RTTN: variants seen among roughly 807,000 people sequenced by gnomAD.
RTTN encodes the protein rotatin.
Under a neutral mutation model 269.2 loss-of-function variants are expected in RTTN, and 182 were observed. The ratio of observed to expected loss-of-function variants is 0.68; its 90% CI spans 0.60 to 0.76. The LOEUF (loss-of-function observed/expected upper bound fraction) is 0.76, where lower values mean the gene tolerates loss of function less well. Among genes scored for constraint, RTTN ranks in the 30% least tolerant of loss-of-function variants. RTTN has a pLI of 0.00. For missense variants in RTTN, 2,545 were observed against 2,608.6 expected (o/e 0.98, Z 0.53); for synonymous variants, 1,006 against 963.5 (o/e 1.04, Z -0.82).
chr18:70,076,111 G>C lies in RTTN; in HGVS notation c.4375-570C>G, dbSNP rs561935561. 2.6e-5 allele frequency among the ~76,000 whole-genome samples: 4 copies of C among 152,014 alleles called. No individual in the cohort carries two copies. The East Asian group carries it at 7.7e-4, about 29-fold the overall frequency. ...TGAACTGCCACCAGGAGGCTGAAAA[G>C]AATCTGCTATTACACAATTTTTCTC... On this transcript the variant is annotated intron_variant, in intron 32 of 48. Transcript: ENST00000640769.
At chr18:70,169,926 GGATAATCATTAACTACCT>G (rs2061093921) in intron 11 of RTTN, among the ~76,000 whole-genome samples, 1 of 152,084 alleles carries the variant, frequency 6.6e-6, no homozygotes, top group Non-Finnish European at 1.5e-5. Context: ...CCTATTTCAA[GGATAATCATTAACTACCT>G]GAAAGTCTAA....
At chr18:70,025,429 GT>G (rs1198068703) in intron 43 of RTTN, among the ~76,000 whole-genome samples, 11 of 152,178 alleles carry the variant, frequency 7.2e-5, no homozygotes, top group African/African-American at 2.7e-4. Context: ...AAATATAGCT[GT>G]TTAAGTGCAG....
intron 32 of RTTN, among the ~76,000 whole-genome samples, chr18:70,082,177 T>C (rs866249160): frequency 2.0e-5 from 3 of 152,160 alleles, no homozygotes; most frequent in South Asian, 4.1e-4. Context: ...TGACAACCCA[T>C]TATGTTATTT....
In RTTN at chr18:70,017,424, G is replaced by A. The variant is rs777560103; in HGVS notation, c.6404C>T (p.Pro2135Leu). The change falls in exon 46 of 49, where the codon CCC becomes CTC. Residue 2135 changes from proline (P) to leucine (L), a missense_variant. Pro to Leu is a moderately conservative substitution (Grantham distance 98). Coordinates refer to ENST00000640769, the MANE Select transcript of RTTN (RefSeq NM_173630.4). ...AAACTTACCATTAGCCAGGATCTTG[G>A]GTTTATTTGCAGGACTGAAGCAAAC... ...HNVCFSPANK[P>L]KILANEKVIT... The A allele has an allele frequency of 4.3e-6, 7 of 1,613,726 alleles. No homozygotes were observed. Among genetic ancestry groups the A allele is most frequent in the Admixed American group, 1.7e-5 (1 of 59,984 alleles).
chr18:70,051,751 C>A lies in RTTN; in HGVS notation c.5186-203G>T, dbSNP rs2057677469. Among the ~76,000 whole-genome samples the A allele has an allele frequency of 2.0e-5, 3 of 152,224 alleles. No individual in the cohort carries two copies. The East Asian group carries it at 5.8e-4, about 29-fold the overall frequency. On this transcript the variant is annotated intron_variant, in intron 38 of 48. Transcript: ENST00000640769. ...ATTGCTTCTTAAGATATCTCCCCTC[C>A]ACCCTCCTGCATATAAAGCCACACT... is the stretch of plus-strand genomic sequence containing the variant.
chr18:70,103,620 G>A (rs575303751), intron 28 of RTTN, among the ~76,000 whole-genome samples: 269 of 152,000 alleles, frequency 1.8e-3, no homozygotes, highest in African/African-American at 5.6e-3. Context: ...CAGACACTGC[G>A]GAAGGCCACA....
At chr18:70,159,325 G>A (rs2060766224) in intron 14 of RTTN, among the ~76,000 whole-genome samples, 1 of 152,136 alleles carries the variant, frequency 6.6e-6, no homozygotes. Context: ...TAAACAACCT[G>A]CACCTGAATG....
rs770601563 is a variant in RTTN, at chr18:70,109,595, C to A, written c.3806G>T (p.Gly1269Val). The change falls in exon 28 of 49, where the codon GGG (glycine) becomes GTG (valine). Residue 1269 changes from glycine (G) to valine (V), a missense_variant. Physicochemically the swap from Gly to Val is moderately radical, Grantham distance 109 (BLOSUM62 -3). Coordinates refer to ENST00000640769, the MANE Select transcript of RTTN (RefSeq NM_173630.4). ...GLPSLERTLRGMANLTAFPGW... is the reference protein window; with the variant it reads ...GLPSLERTLRVMANLTAFPGW... The stretch of plus-strand genomic sequence containing the variant: ...CGGAAACGCAGTGAGGTTAGCCATC[C>A]CTCGTAAGGTCCGCTCAAGGGACGG... The A allele has an allele frequency of 6.2e-7, 1 of 1,613,834 alleles. No individual in the cohort carries two copies. The highest frequency in any genetic ancestry group is 8.5e-7 in the Non-Finnish European group (1 of 1,179,958).
At chr18:70,049,002 C>T (rs111934453) in intron 39 of RTTN, among the ~76,000 whole-genome samples, 4,590 of 152,142 alleles carry the variant, frequency 0.03, 246 homozygotes, top group African/African-American at 0.1. Flanking sequence ...TAAAACTGTA[C>T]ACATATTTTG....
intron 9 of RTTN, among the ~76,000 whole-genome samples, chr18:70,189,031 CAGG>C (rs2061610630): frequency 6.6e-6 from 1 of 152,122 alleles, no homozygotes; most frequent in African/African-American, 2.4e-5. Context: ...CACAAAAGGG[CAGG>C]AGAACATTTA....
chr18:70,169,086 C>A lies in RTTN; in HGVS notation c.1477-19G>T. On this transcript the variant is annotated intron_variant, in intron 11 of 48. Transcript: ENST00000640769. The stretch of plus-strand genomic sequence containing the variant: ...CGCTTGCCTTGGTGAATTAAAAAAA[C>A]AAAAAAATTAAAACTTTGTTTAAAA... 1 of 1,540,998 alleles carries A rather than the reference C, an allele frequency of 6.5e-7. No individual in the cohort carries two copies. Among genetic ancestry groups the A allele is most frequent in the Admixed American group, 2.1e-5 (1 of 46,738 alleles).
chr18:70,174,059 A>G (rs945419973), intron 11 of RTTN, among the ~76,000 whole-genome samples: 7 of 151,708 alleles, frequency 4.6e-5, no homozygotes, highest in Non-Finnish European at 7.4e-5. Context: ...ATTTTCTGTT[A>G]TGGGGGTGGT....
At chr18:70,154,586 T>C (rs2060625051) in intron 14 of RTTN, among the ~76,000 whole-genome samples, 1 of 152,140 alleles carries the variant, frequency 6.6e-6, no homozygotes, top group Non-Finnish European at 1.5e-5. Flanking sequence ...AAATCATAAA[T>C]GTAGGTTTCT....
At chr18:70,193,196 A>AT in intron 8 of RTTN, 92 bp downstream of exon 8, 6 of 1,139,108 alleles carry the variant, frequency 5.3e-6, no homozygotes, top group Non-Finnish European at 7.3e-6. Flanking sequence ...AAAAAAAAAA[A>AT]GGACAGAAAA....
chr18:70,107,921 A>G (rs2059364348), intron 28 of RTTN, among the ~76,000 whole-genome samples: 2 of 152,384 alleles, frequency 1.3e-5, no homozygotes, highest in South Asian at 4.1e-4. Context: ...CTACAAAAAC[A>G]TAACTTACTA....
At chr18:70,077,040 T>C (rs2058446398) in intron 32 of RTTN, among the ~76,000 whole-genome samples, 2 of 151,716 alleles carry the variant, frequency 1.3e-5, no homozygotes, top group African/African-American at 2.4e-5. Context: ...CAAATTAGAG[T>C]CCTCATTATA....
intron 10 of RTTN, among the ~76,000 whole-genome samples, chr18:70,177,193 C>G (rs1480012958): frequency 2.6e-5 from 4 of 152,142 alleles, no homozygotes; most frequent in Non-Finnish European, 4.4e-5. Flanking sequence ...CGTTAACACG[C>G]AAACCCCTCG....
chr18:70,109,808 C>CA, intron 27 of RTTN, 91 bp from the exon 28 acceptor site: 1 of 962,750 alleles, frequency 1.0e-6, no homozygotes. Context: ...TACTTAAACT[C>CA]ATAGTAATAG....
At chr18:70,148,325 A>G (rs558339731) in intron 17 of RTTN, among the ~76,000 whole-genome samples, 2 of 152,304 alleles carry the variant, frequency 1.3e-5, no homozygotes, top group South Asian at 4.2e-4. Flanking sequence ...TCATGTTGCA[A>G]TGACAGAGAA....
Sources: gnomAD v4.1 joint callset for allele counts (sites outside exome capture counted in the v4.1 genomes callset) on GRCh38, gnomAD v4.1.1 for gene constraint, MANE v1.5 for transcripts, NCBI Gene and HGNC (gene_info 2026-07-23, HGNC 2026-07-21) for gene names.